The following SOX6 variants were observed in gnomAD, a reference collection of about 807,000 sequenced individuals.
SOX6 encodes transcription factor SOX-6.
In SOX6, 11 loss-of-function variants were observed where a neutral mutation model predicts 97.8. The ratio of observed to expected loss-of-function variants is 0.11; its 90% confidence interval spans 0.07 to 0.19. The LOEUF (loss-of-function observed/expected upper bound fraction) is 0.19. SOX6 is among the 10% of genes least tolerant of loss of function. SOX6 has a pLI of 1.00. For synonymous variants in SOX6, 360 were observed against 371.4 expected (o/e 0.97, Z 0.35); for missense variants, 810 against 1,039.5 (o/e 0.78, Z 3.04).
At chr11:15,977,783 C>G (rs939102777) in intron 15 of SOX6, among the ~76,000 whole-genome samples, 1 of 152,048 alleles carries the variant, frequency 6.6e-6, no homozygotes, top group African/African-American at 2.4e-5. Context: ...CTAGCCTACT[C>G]CTTCTCTTAG....
chr11:16,578,863 C>A (rs1390225053), intron 4 of SOX6, among the ~76,000 whole-genome samples: 1 of 152,050 alleles, frequency 6.6e-6, no homozygotes, highest in African/African-American at 2.4e-5. Flanking sequence ...GGACAGGAAA[C>A]TACCAATTGA....
chr11:16,430,511 T>C (rs990881504), intron 1 of SOX6, among the ~76,000 whole-genome samples: 2 of 152,152 alleles, frequency 1.3e-5, no homozygotes, highest in African/African-American at 4.8e-5. Flanking sequence ...GATTAGATCA[T>C]GGAGGCAGAG....
At chr11:16,431,549 G>A (rs559874296) in intron 1 of SOX6, among the ~76,000 whole-genome samples, 2 of 152,022 alleles carry the variant, frequency 1.3e-5, no homozygotes, top group South Asian at 4.1e-4. Flanking sequence ...ACGATACATG[G>A]TGAAACAAAA....
chr11:16,467,707 T>G (rs1860067957), intron 1 of SOX6, among the ~76,000 whole-genome samples: 2 of 152,112 alleles, frequency 1.3e-5, no homozygotes, highest in African/African-American at 4.8e-5. Context: ...ACCTGGAGGA[T>G]GAAATAATCT....
chr11:16,565,963 A>G (rs1178772688), intron 4 of SOX6, among the ~76,000 whole-genome samples: 2 of 151,796 alleles, frequency 1.3e-5, no homozygotes, highest in East Asian at 2.0e-4. Flanking sequence ...AGGCGTGGTG[A>G]CGGGCGCCTG....
At chr11:16,339,682 C>T (rs1856568291) in intron 2 of SOX6, among the ~76,000 whole-genome samples, 1 of 152,024 alleles carries the variant, frequency 6.6e-6, no homozygotes, top group East Asian at 1.9e-4. Context: ...AGGCATGCAT[C>T]ATGTCTGCTT....
chr11:16,659,326 C>G (rs1358600337), intron 3 of SOX6, among the ~76,000 whole-genome samples: 2 of 152,096 alleles, frequency 1.3e-5, no homozygotes, highest in African/African-American at 2.4e-5. Flanking sequence ...GCCTTTGCAC[C>G]TTTTGCCAAA....
At chr11:16,245,779 T>A (rs978453644) in intron 3 of SOX6, among the ~76,000 whole-genome samples, 1 of 151,612 alleles carries the variant, frequency 6.6e-6, no homozygotes, top group Non-Finnish European at 1.5e-5. Context: ...AGTGTTTTCA[T>A]GGTACATCTT....
chr11:16,113,854 G>A (rs74481205), intron 6 of SOX6, among the ~76,000 whole-genome samples: 1,616 of 152,248 alleles, frequency 0.011, 27 homozygotes, highest in African/African-American at 0.037. Context: ...AAGAGGTAAG[G>A]TTATCTTCAA....
intron 3 of SOX6, among the ~76,000 whole-genome samples, chr11:16,661,018 T>A (rs1434076161): frequency 6.6e-6 from 1 of 152,244 alleles, no homozygotes; most frequent in East Asian, 1.9e-4. Flanking sequence ...TTCTAACTGC[T>A]GAACCTGTCT....
chr11:16,383,293 A>G (rs1857884721), intron 1 of SOX6, among the ~76,000 whole-genome samples: 1 of 152,022 alleles, frequency 6.6e-6, no homozygotes, highest in African/African-American at 2.4e-5. Context: ...ATAAGAAGAA[A>G]GAGAAAGGCA....
At chr11:16,525,818 C>A (rs1176240688) in intron 4 of SOX6, among the ~76,000 whole-genome samples, 1 of 152,032 alleles carries the variant, frequency 6.6e-6, no homozygotes, top group African/African-American at 2.4e-5. Context: ...AACAAGTGGG[C>A]GAAGGATATA....
chr11:16,591,344 T>C (rs543653396), intron 4 of SOX6, among the ~76,000 whole-genome samples: 108 of 120,748 alleles, frequency 8.9e-4, no homozygotes, highest in African/African-American at 3.1e-3. Context: ...GATAGATAGA[T>C]AGATAGACAG....
intron 12 of SOX6, among the ~76,000 whole-genome samples, chr11:16,029,249 T>C (rs1332337493): frequency 6.6e-6 from 1 of 152,204 alleles, no homozygotes; most frequent in African/African-American, 2.4e-5. Context: ...TTCCTACAGC[T>C]TGAATAACAG....
chr11:16,077,702 A>G (rs1380755311), intron 9 of SOX6, among the ~76,000 whole-genome samples: 1 of 152,246 alleles, frequency 6.6e-6, no homozygotes, highest in African/African-American at 2.4e-5. Flanking sequence ...AAACTAATGC[A>G]GGAACAGAAA....
intron 3 of SOX6, among the ~76,000 whole-genome samples, chr11:16,242,933 CT>C (rs1046347846): frequency 1.3e-5 from 2 of 151,866 alleles, no homozygotes; most frequent in Non-Finnish European, 2.9e-5. Context: ...TGAAACTCTT[CT>C]TTTTGTCCAA....
chr11:16,558,292 C>T (rs1294481636), intron 4 of SOX6, among the ~76,000 whole-genome samples: 1 of 151,946 alleles, frequency 6.6e-6, no homozygotes, highest in Non-Finnish European at 1.5e-5. Context: ...TGGGATTTAC[C>T]TGGAAAACTT....
chr11:16,725,448 G>C (rs143838330), intron 2 of SOX6, among the ~76,000 whole-genome samples: 5 of 152,064 alleles, frequency 3.3e-5, no homozygotes, highest in South Asian at 2.1e-4. Context: ...GCAGTGAGCA[G>C]AGATCATGCC....
chr11:16,571,043 A>G (rs1847933033), intron 4 of SOX6, among the ~76,000 whole-genome samples: 1 of 152,218 alleles, frequency 6.6e-6, no homozygotes, highest in African/African-American at 2.4e-5. Context: ...TATTTAATCT[A>G]CTTGAACACT....
Sources: allele counts gnomAD v4.1 joint callset (sites outside exome capture counted in the v4.1 genomes callset), GRCh38; gene constraint gnomAD v4.1.1; transcripts MANE v1.5; gene names NCBI Gene and HGNC (gene_info 2026-07-23, HGNC 2026-07-21).